TEKT1: variants seen among roughly 807,000 people sequenced by gnomAD.
TEKT1 encodes the protein tektin 1, also known as tektin-1.
In TEKT1, 32 loss-of-function variants were observed where a neutral mutation model predicts 34.8. The ratio of observed to expected loss-of-function variants is 0.92; its 90% confidence interval spans 0.69 to 1.23. TEKT1 has a LOEUF of 1.23. TEKT1 is among the 50% of genes most tolerant of loss of function. TEKT1 has a pLI of 0.00. For missense variants in TEKT1, 492 were observed against 518.5 expected (o/e 0.95, Z 0.50); for synonymous variants, 207 against 199.8 (o/e 1.04, Z -0.30).
intron 1 of TEKT1, among the ~76,000 whole-genome samples, chr17:6,831,146 C>T (rs571667985): frequency 6.6e-6 from 1 of 152,042 alleles, no homozygotes; most frequent in Non-Finnish European, 1.5e-5. Flanking sequence ...AAGGAGAGAA[C>T]AGGAAGGGGA....
chr17:6,815,097 C>G (rs536304501), intron 5 of TEKT1, 66 bp downstream of exon 5: 1 of 1,547,168 alleles, frequency 6.5e-7, no homozygotes, highest in South Asian at 1.3e-5. Flanking sequence ...GGACGAGCCG[C>G]TAGGTCTTGC....
rs1373533684 is a variant in TEKT1 at position 6,815,872 on chromosome 17, C to T, written c.447G>A (p.Leu149=). ...AAGCCTCCTCCAAGGTACGGGTCAGCAGAGCCATAATGCCCTGGATGATCT... is the reference window on the plus strand; with the variant it reads ...AAGCCTCCTCCAAGGTACGGGTCAGTAGAGCCATAATGCCCTGGATGATCT... The part of the protein sequence containing the change: ...EAEIIQGIMA[L]LTRTLEEASE... Residue 149 remains leucine, a synonymous_variant, in exon 4 of 8, where the codon CTG becomes CTA. Coordinates refer to ENST00000338694, the MANE Select transcript of TEKT1 (RefSeq NM_053285.2). 6.2e-7 allele frequency: 1 copy of T among 1,614,188 alleles called. No homozygotes were observed. The highest frequency in any genetic ancestry group is 8.5e-7 in the Non-Finnish European group (1 of 1,180,052).
At chr17:6,825,196 A>G (rs1392648906) in intron 2 of TEKT1, among the ~76,000 whole-genome samples, 1 of 152,248 alleles carries the variant, frequency 6.6e-6, no homozygotes, top group Non-Finnish European at 1.5e-5. Context: ...AACTGGACAC[A>G]TCCAGTTTTG....
At chr17:6,831,274 A>C (rs80062397) in intron 1 of TEKT1, among the ~76,000 whole-genome samples, 2,801 of 152,260 alleles carry the variant, frequency 0.018, 104 homozygotes, top group African/African-American at 0.064. Flanking sequence ...GACAGGGCTG[A>C]AATCTGCCCC....
At chr17:6,826,898 TGC>T (rs1904421499) in intron 2 of TEKT1, among the ~76,000 whole-genome samples, 1 of 152,060 alleles carries the variant, frequency 6.6e-6, no homozygotes, top group African/African-American at 2.4e-5. Flanking sequence ...AGTTTCACCA[TGC>T]TAGCCAGGAT....
chr17:6,823,426 C>G (rs9894299), intron 2 of TEKT1, among the ~76,000 whole-genome samples: 9,353 of 152,146 alleles, frequency 0.061, 812 homozygotes, highest in African/African-American at 0.19. Context: ...CTCTAACTCT[C>G]TGTGTGTGTG....
intron 6 of TEKT1, among the ~76,000 whole-genome samples, chr17:6,809,811 C>G (rs537343593): frequency 7.9e-5 from 12 of 152,212 alleles, no homozygotes; most frequent in Non-Finnish European, 1.8e-4. Context: ...TCCTCTATGT[C>G]TTTTCATGGC....
chr17:6,818,084 G>T (rs1442306260), intron 3 of TEKT1, among the ~76,000 whole-genome samples: 1 of 152,174 alleles, frequency 6.6e-6, no homozygotes, highest in African/African-American at 2.4e-5. Context: ...GAAACTGCAA[G>T]TAGCTCCACA....
rs973657309 is a variant in TEKT1 at position 6,828,618 on chromosome 17, G to A, written c.190+1569C>T. The stretch of plus-strand genomic sequence containing the variant: ...AGCTTCCTCCTTAGATGGGGCACAC[G>A]TTCTCCAGGTCCCCACAGTCCCTAC... On this transcript the variant is annotated intron_variant, in intron 2 of 7. Coordinates refer to ENST00000338694, the MANE Select transcript of TEKT1 (RefSeq NM_053285.2). 2.6e-5 allele frequency among the ~76,000 whole-genome samples: 4 copies of A among 152,148 alleles called. No homozygotes were observed. The East Asian group carries it at 5.8e-4, about 22-fold the overall frequency.
rs771017793 is a variant in TEKT1, at chr17:6,815,974, A to G, written c.357-12T>C. Reference sequence around the variant, plus strand: ...CAATGCGCTTCTCCCTGGCAGGGGGAAAGGCAGCCAGTCAGCCAACACGTG... The same window carrying G: ...CAATGCGCTTCTCCCTGGCAGGGGGGAAGGCAGCCAGTCAGCCAACACGTG... On this transcript the variant is annotated splice_polypyrimidine_tract_variant and intron_variant, in intron 3 of 7. Transcript: ENST00000338694. 34 of 1,613,202 alleles carry G rather than the reference A, an allele frequency of 2.1e-5. 1 individual carries two copies. The highest frequency in any genetic ancestry group is 2.9e-5 in the Non-Finnish European group (34 of 1,179,938).
At chr17:6,810,539 G>A (rs1001356951) in intron 6 of TEKT1, among the ~76,000 whole-genome samples, 33 of 152,120 alleles carry the variant, frequency 2.2e-4, no homozygotes, top group African/African-American at 7.5e-4. Context: ...AAATAAAGCT[G>A]TATTGAAACA....
At chr17:6,820,233 ATTTCT>A (rs1263339546) in intron 2 of TEKT1, among the ~76,000 whole-genome samples, 1 of 152,106 alleles carries the variant, frequency 6.6e-6, no homozygotes, top group African/African-American at 2.4e-5. Flanking sequence ...ACTGTAATAA[ATTTCT>A]TTTCTTACAA....
intron 6 of TEKT1, among the ~76,000 whole-genome samples, chr17:6,809,578 C>T (rs1476117905): frequency 6.6e-6 from 1 of 152,162 alleles, no homozygotes; most frequent in Non-Finnish European, 1.5e-5. Flanking sequence ...ATCCACTTTA[C>T]AATATCATAC....
At chr17:6,813,258 A>G (rs1976953235) in intron 5 of TEKT1, among the ~76,000 whole-genome samples, 2 of 152,134 alleles carry the variant, frequency 1.3e-5, no homozygotes, top group South Asian at 2.1e-4. Flanking sequence ...CACCTTATAG[A>G]CATTATCTCA....
chr17:6,828,559 C>A (rs577401909), intron 2 of TEKT1, among the ~76,000 whole-genome samples: 1 of 152,254 alleles, frequency 6.6e-6, no homozygotes, highest in African/African-American at 2.4e-5. Context: ...GGCTCATGTT[C>A]TTTCTTGGAA....
intron 6 of TEKT1, among the ~76,000 whole-genome samples, chr17:6,807,758 C>T (rs1976865984): frequency 6.6e-6 from 1 of 152,168 alleles, no homozygotes; most frequent in African/African-American, 2.4e-5. Context: ...GCCTGGGTAT[C>T]AGCTGCGGAG....
chr17:6,815,073 T>C lies in TEKT1; in HGVS notation c.629+90A>G, dbSNP rs567871251. On this transcript the variant is annotated intron_variant, in intron 5 of 7. Coordinates refer to ENST00000338694, the MANE Select transcript of TEKT1 (RefSeq NM_053285.2). ...CCCCAAGCCCACCACTTCCAAGCTC[T>C]CAGCCAGCTGCAAGGACGAGCCGCT... is the stretch of plus-strand genomic sequence containing the variant. 2.1e-5 allele frequency: 32 copies of C among 1,505,032 alleles called. 1 individual carries two copies. The African/African-American group carries it at 3.6e-4, about 17-fold the overall frequency. 93.2% of individuals were successfully genotyped at this position (1,505,032 alleles called of 1,614,324 possible).
At position 6,827,770 on chromosome 17, in the gene TEKT1, A is replaced by C. The variant is rs570410720; in HGVS notation, c.190+2417T>G. On this transcript the variant is annotated intron_variant, in intron 2 of 7. Coordinates refer to ENST00000338694, the MANE Select transcript of TEKT1 (RefSeq NM_053285.2). The stretch of plus-strand genomic sequence containing the variant: ...TACTAAGAATTTCTTTAATTTCTTG[A>C]AAAAATGATTTTTCAGTGCAAAACA... 2.6e-5 allele frequency among the ~76,000 whole-genome samples: 4 copies of C among 152,220 alleles called. No homozygotes were observed. In the East Asian group the frequency reaches 5.8e-4, roughly 22 times the overall value.
In TEKT1 at chr17:6,798,693, G is replaced by T. The variant is rs906312189; in HGVS notation, c.*1334C>A. 1 of 152,244 alleles carries T rather than the reference G, an allele frequency of 6.6e-6. No homozygotes were observed. Among genetic ancestry groups the T allele is most frequent in the Non-Finnish European group, 1.5e-5 (1 of 68,070 alleles). 9.4% of individuals were successfully genotyped at this position (152,244 alleles called of 1,614,324 possible). On this transcript the variant is annotated 3_prime_UTR_variant, in exon 8 of 8. Transcript: ENST00000338694. The stretch of plus-strand genomic sequence containing the variant: ...GGGAACATCCCTTTCTGATGGCAAA[G>T]AGTCTCTGGACCAAGGAGCACCTAG...
Sources: allele counts gnomAD v4.1 joint callset (sites outside exome capture counted in the v4.1 genomes callset), GRCh38; gene constraint gnomAD v4.1.1; transcripts MANE v1.5; gene names NCBI Gene and HGNC (gene_info 2026-07-23, HGNC 2026-07-21).